RIDA: variants seen among roughly 807,000 people sequenced by gnomAD.
RIDA encodes the protein reactive intermediate imine deaminase A, also known as 2-iminobutanoate/2-iminopropanoate deaminase.
A neutral mutation model predicts 17.8 loss-of-function variants in RIDA; 17 were observed. That is an observed-to-expected ratio of 0.96 (90% CI 0.65 to 1.43). The LOEUF (loss-of-function observed/expected upper bound fraction) is 1.43, where lower values mean the gene tolerates loss of function less well. Among genes scored for constraint, RIDA ranks in the 40% most tolerant of loss-of-function variants. RIDA has a pLI of 0.00. For synonymous variants in RIDA, 48 were observed against 55.7 expected, an observed-to-expected ratio of 0.86 and a Z score of 0.62; for missense variants, 158 against 161.7, an observed-to-expected ratio of 0.98 and a Z score of 0.12.
At chr8:98,112,516 A>G (rs990095165) in intron 1 of RIDA, among the ~76,000 whole-genome samples, 4 of 152,220 alleles carry the variant, frequency 2.6e-5, no homozygotes, top group African/African-American at 7.2e-5. Flanking sequence ...GTTGTCAGTG[A>G]ATCTCTTTTT....
rs1815856064 is a variant in RIDA, at chr8:98,117,156, G to C, written c.-60C>G. 6.6e-7 allele frequency: 1 copy of C among 1,523,478 alleles called. No individual in the cohort carries two copies. Among genetic ancestry groups the C allele is most frequent in the African/African-American group, 1.4e-5 (1 of 73,214 alleles). 94.4% of individuals were successfully genotyped at this position (1,523,478 alleles called of 1,614,324 possible). ...AAGAAGCCCCAGCACCAGCCCTGCT[G>C]GCTTCTTACTGGACTGACCAACCAC... On this transcript the variant is annotated 5_prime_UTR_variant, in exon 1 of 6. Coordinates refer to ENST00000254878, the MANE Select transcript of RIDA (RefSeq NM_005836.3).
At chr8:98,103,892 C>A (rs572411752) in intron 5 of RIDA, among the ~76,000 whole-genome samples, 1 of 152,110 alleles carries the variant, frequency 6.6e-6, no homozygotes, top group Admixed American at 6.6e-5. Flanking sequence ...CCCGCCTCGG[C>A]CTCCGAAAGC....
intron 1 of RIDA, among the ~76,000 whole-genome samples, chr8:98,113,057 T>G (rs1290755325): frequency 6.6e-6 from 1 of 152,224 alleles, no homozygotes; most frequent in African/African-American, 2.4e-5. Flanking sequence ...ACTGTTCTAC[T>G]ACCAGGTTAA....
chr8:98,110,355 C>T (rs932185457), intron 1 of RIDA, among the ~76,000 whole-genome samples: 2 of 129,184 alleles, frequency 1.5e-5, no homozygotes, highest in African/African-American at 5.9e-5. Context: ...CTCCGCCTCC[C>T]GGGTTCAAAC....
chr8:98,103,803 AT>A (rs941456699), intron 5 of RIDA, among the ~76,000 whole-genome samples: 1 of 150,496 alleles, frequency 6.6e-6, no homozygotes, highest in South Asian at 2.1e-4. Flanking sequence ...CACCCGGCTA[AT>A]TTTTTTTTGT....
At chr8:98,106,454 G>A (rs573363393) in intron 2 of RIDA, 128 bp from the exon 3 acceptor site, 49 of 720,168 alleles carry the variant, frequency 6.8e-5, no homozygotes, top group African/African-American at 2.3e-4. Flanking sequence ...CTCCCTACTC[G>A]CTTACAAGTG....
chr8:98,106,071 A>G (rs1476324506), intron 3 of RIDA, 65 bp from the exon 4 acceptor site: 1 of 1,248,178 alleles, frequency 8.0e-7, no homozygotes, highest in African/African-American at 1.5e-5. Flanking sequence ...TTACTTAGAA[A>G]AAGAGTGTAT....
intron 2 of RIDA, among the ~76,000 whole-genome samples, chr8:98,108,058 T>C (rs1815658714): frequency 7.1e-6 from 1 of 140,748 alleles, no homozygotes; most frequent in African/African-American, 2.7e-5. Flanking sequence ...GTGTGAGCCA[T>C]TGTGCCTGGC....
chr8:98,102,936 C>G, intron 5 of RIDA, 32 bp from the exon 6 acceptor site: 1 of 1,549,936 alleles, frequency 6.5e-7, no homozygotes, highest in Non-Finnish European at 8.9e-7. Flanking sequence ...TTGTTGTAAT[C>G]ATTTTGTACA....
chr8:98,107,688 C>T (rs1815650586), intron 2 of RIDA, among the ~76,000 whole-genome samples: 1 of 152,104 alleles, frequency 6.6e-6, no homozygotes, highest in Admixed American at 6.6e-5. Flanking sequence ...ACTTCCACCT[C>T]CCAGGTTTAA....
At chr8:98,103,028 G>A (rs2130547232) in intron 5 of RIDA, 124 bp from the exon 6 acceptor site, 1 of 641,350 alleles carries the variant, frequency 1.6e-6, no homozygotes, top group Non-Finnish European at 2.7e-6. Flanking sequence ...TTCAAGGAAG[G>A]AAAGGAGAAG....
At chr8:98,107,341 G>A (rs1423262098) in intron 2 of RIDA, among the ~76,000 whole-genome samples, 4 of 152,240 alleles carry the variant, frequency 2.6e-5, no homozygotes, top group South Asian at 2.1e-4. Context: ...TGGCTAGCAC[G>A]GTAAAACCCC....
In RIDA at chr8:98,102,991, C is replaced by A. The variant is rs112179263; in HGVS notation, c.352-87G>T. On this transcript the variant is annotated intron_variant, in intron 5 of 5. Coordinates refer to ENST00000254878, the MANE Select transcript of RIDA (RefSeq NM_005836.3). ...CCTACTAAAAACATGCAACCAACAG[C>A]AATATAACATTTTTAACATTAAACT... 4.9e-5 allele frequency: 42 copies of A among 853,438 alleles called. No homozygotes were observed. In the African/African-American group the frequency reaches 5.9e-4, roughly 12 times the overall value. 52.9% of individuals were successfully genotyped at this position (853,438 alleles called of 1,614,324 possible). A position where few individuals can be genotyped will look rare whatever the true frequency, so the allele number is the denominator to read the frequency against.
chr8:98,107,956 G>A (rs1210571513), intron 2 of RIDA, among the ~76,000 whole-genome samples: 1 of 152,146 alleles, frequency 6.6e-6, no homozygotes, highest in Non-Finnish European at 1.5e-5. Flanking sequence ...TTTCAGTAGA[G>A]ACGGGGTTTC....
At chr8:98,113,009 A>G (rs1184731383) in intron 1 of RIDA, among the ~76,000 whole-genome samples, 1 of 152,232 alleles carries the variant, frequency 6.6e-6, no homozygotes, top group Admixed American at 6.5e-5. Flanking sequence ...CCTACTATCC[A>G]AAGACAAGTG....
chr8:98,115,554 CT>C (rs61291894), intron 1 of RIDA, among the ~76,000 whole-genome samples: 29,258 of 147,134 alleles, frequency 0.2, 3,101 homozygotes, highest in East Asian at 0.36. Context: ...TTTAATTAAA[CT>C]TTTTTTTTTT....
At chr8:98,115,627 G>A (rs544701540) in intron 1 of RIDA, among the ~76,000 whole-genome samples, 2 of 151,560 alleles carry the variant, frequency 1.3e-5, no homozygotes, top group East Asian at 3.9e-4. Context: ...CTGACCTCAA[G>A]CAATCCTCTT....
chr8:98,106,033 GT>G, intron 3 of RIDA, 27 bp from the exon 4 acceptor site: 1 of 1,530,852 alleles, frequency 6.5e-7, no homozygotes, highest in African/African-American at 1.4e-5. Flanking sequence ...TTGTCATTAG[GT>G]TTAGTTATTT....
chr8:98,102,790 A>G lies in RIDA; in HGVS notation c.*52T>C. 1 of 1,202,388 alleles carries G rather than the reference A, an allele frequency of 8.3e-7. No homozygotes were observed. The highest frequency in any genetic ancestry group is 2.4e-5 in the East Asian group (1 of 42,258). 74.5% of individuals were successfully genotyped at this position (1,202,388 alleles called of 1,614,324 possible). A position where few individuals can be genotyped will look rare whatever the true frequency, so the allele number is the denominator to read the frequency against. ...AAAGGTTAATTAAGATGTTACATCA[A>G]TTGTAAAAATTAAAATGTTAACAAT... On this transcript the variant is annotated 3_prime_UTR_variant, in exon 6 of 6. Transcript: ENST00000254878.
Sources: allele counts gnomAD v4.1 joint callset (sites outside exome capture counted in the v4.1 genomes callset), GRCh38; gene constraint gnomAD v4.1.1; transcripts MANE v1.5; gene names NCBI Gene and HGNC (gene_info 2026-07-23, HGNC 2026-07-21).